CMKLR1: variants seen among roughly 807,000 people sequenced by gnomAD.
CMKLR1 encodes the protein chemerin-like receptor 1.
CMKLR1 carries 6 observed loss-of-function variants against 8.2 expected under a neutral mutation model. The observed-to-expected ratio is 0.73, with a 90% CI of 0.40 to 1.44. CMKLR1 has a LOEUF of 1.44. Ranked by LOEUF, CMKLR1 falls within the 40% of genes most tolerant of loss-of-function variation. The probability of loss-of-function intolerance (pLI) is 0.02; values close to 1 mark genes in which losing one functional copy is unlikely to be tolerated. For missense variants in CMKLR1, 429 were observed against 478.0 expected (o/e 0.90, Z 0.96); for synonymous variants, 178 against 181.2 (o/e 0.98, Z 0.14).
chr12:108,296,467 A>C (rs571987228), intron 2 of CMKLR1, among the ~76,000 whole-genome samples: 1 of 152,158 alleles, frequency 6.6e-6, no homozygotes, highest in African/African-American at 2.4e-5. Context: ...GAGGCTAGGA[A>C]GCCAGAGGAC....
At position 108,292,096 on chromosome 12, in the gene CMKLR1, C is replaced by T; in HGVS notation, c.867G>A (p.Met289Ile). The T allele has an allele frequency of 1.2e-6, 2 of 1,614,172 alleles. No homozygotes were observed. Among genetic ancestry groups the T allele is most frequent in the Non-Finnish European group, 8.5e-7 (1 of 1,180,030 alleles). The change falls in exon 4 of 4, where the codon ATG becomes ATA. Residue 289 changes from methionine (M) to isoleucine (I), a missense_variant. Physicochemically the swap from Met to Ile is conservative, Grantham distance 10 (BLOSUM62 1). Transcript: ENST00000550402. ...AACCCAGGCTGAAGACAGAGCCAGG[C>T]ATGGCAGTGTGGTGGAGCTCTAGGA... ...LNLLELHHTA[M>I]PGSVFSLGLP...
At chr12:108,312,896 A>C (rs1357193299) in intron 2 of CMKLR1, among the ~76,000 whole-genome samples, 1 of 152,142 alleles carries the variant, frequency 6.6e-6, no homozygotes, top group African/African-American at 2.4e-5. Context: ...CAGGCTGGCC[A>C]GACTCCCAGG....
chr12:108,319,630 T>C (rs1891811886), intron 2 of CMKLR1, among the ~76,000 whole-genome samples: 1 of 152,226 alleles, frequency 6.6e-6, no homozygotes, highest in Non-Finnish European at 1.5e-5. Context: ...AGAGAAGGAA[T>C]ATAAACAGCT....
At chr12:108,298,369 T>C (rs893180123) in intron 2 of CMKLR1, among the ~76,000 whole-genome samples, 3 of 152,184 alleles carry the variant, frequency 2.0e-5, no homozygotes, top group African/African-American at 7.2e-5. Flanking sequence ...ATCACTCCCA[T>C]TGTAAAGGGA....
chr12:108,309,394 T>A (rs1891493124), intron 2 of CMKLR1, among the ~76,000 whole-genome samples: 1 of 152,084 alleles, frequency 6.6e-6, no homozygotes. Context: ...CATGGGCTGG[T>A]GCTGTGGAAG....
At chr12:108,306,722 C>T (rs1313950517) in intron 2 of CMKLR1, among the ~76,000 whole-genome samples, 1 of 152,208 alleles carries the variant, frequency 6.6e-6, no homozygotes, top group Non-Finnish European at 1.5e-5. Flanking sequence ...CTTACTATGG[C>T]CTGAGCAATC....
intron 1 of CMKLR1, among the ~76,000 whole-genome samples, chr12:108,333,577 T>G (rs1892155858): frequency 6.6e-6 from 1 of 152,228 alleles, no homozygotes; most frequent in African/African-American, 2.4e-5. Flanking sequence ...TTGATGGATA[T>G]GGACTCATTT....
intron 2 of CMKLR1, among the ~76,000 whole-genome samples, chr12:108,312,740 T>G (rs1334631503): frequency 6.6e-6 from 1 of 152,194 alleles, no homozygotes; most frequent in Non-Finnish European, 1.5e-5. Flanking sequence ...TTATGTTCTG[T>G]GGCTTGCCTG....
At chr12:108,338,244 T>A (rs1160252476) in intron 1 of CMKLR1, among the ~76,000 whole-genome samples, 1 of 152,110 alleles carries the variant, frequency 6.6e-6, no homozygotes, top group Non-Finnish European at 1.5e-5. Flanking sequence ...GTCCTTTATA[T>A]ACAAAGAACC....
At position 108,310,301 on chromosome 12, in the gene CMKLR1, C is replaced by T. The variant is rs531086881; in HGVS notation, c.-73-16637G>A. Among the ~76,000 whole-genome samples the T allele has an allele frequency of 6.2e-4, 95 of 152,008 alleles. 1 individual carries two copies. Among genetic ancestry groups the T allele is most frequent in the Middle Eastern group, 6.8e-3 (2 of 294 alleles). On this transcript the variant is annotated intron_variant, in intron 2 of 3. Coordinates refer to ENST00000550402, the MANE Select transcript of CMKLR1 (RefSeq NM_001142343.2). Reference sequence around the variant, plus strand: ...ACTTTATCCTATGGGCAATAGGGAGCCATGGATGGTTTTAAGCAGAGGGTA... The same window carrying T: ...ACTTTATCCTATGGGCAATAGGGAGTCATGGATGGTTTTAAGCAGAGGGTA...
Position 108,316,990 on chromosome 12 carries a change from A to G in CMKLR1, c.-74+13005T>C, listed in dbSNP as rs1035559583. Among the ~76,000 whole-genome samples the G allele has an allele frequency of 2.6e-5, 4 of 152,018 alleles. No individual in the cohort carries two copies. In the East Asian group the frequency reaches 7.7e-4, roughly 29 times the overall value. ...CTAATTTTTTTTGTATTTTGTAGAGATGGGGTTTCGCCATGTTGGCCAAGC... is the reference window on the plus strand; with the variant it reads ...CTAATTTTTTTTGTATTTTGTAGAGGTGGGGTTTCGCCATGTTGGCCAAGC... On this transcript the variant is annotated intron_variant, in intron 2 of 3. Transcript: ENST00000550402.
At chr12:108,328,292 C>T (rs998960620) in intron 2 of CMKLR1, among the ~76,000 whole-genome samples, 1 of 152,234 alleles carries the variant, frequency 6.6e-6, no homozygotes, top group African/African-American at 2.4e-5. Flanking sequence ...ATTTCTTAGC[C>T]TCTCATGGTT....
chr12:108,292,855 G>A lies in CMKLR1; in HGVS notation c.108C>T (p.Ala36=), dbSNP rs1398011773. The A allele has an allele frequency of 3.5e-5, 57 of 1,613,954 alleles. No homozygotes were observed. The highest frequency in any genetic ancestry group is 4.7e-5 in the Non-Finnish European group (56 of 1,180,010). ...VVLEDLSPLE[A]RVTRIFLVVV... Reference sequence around the variant, plus strand: ...CCACCAGGAAGATCCTGGTCACCCTGGCTTCCAAGGGGGATAAGTCCTCCA... The same window carrying A: ...CCACCAGGAAGATCCTGGTCACCCTAGCTTCCAAGGGGGATAAGTCCTCCA... Residue 36 remains alanine (A), a synonymous_variant, in exon 4 of 4, where the codon GCC becomes GCT. Coordinates refer to ENST00000550402, the MANE Select transcript of CMKLR1 (RefSeq NM_001142343.2).
intron 3 of CMKLR1, 117 bp from the exon 4 acceptor site, chr12:108,293,076 T>G (rs1891040481): frequency 1.1e-6 from 1 of 950,266 alleles, no homozygotes; most frequent in Admixed American, 2.6e-5. Context: ...GTTTTGTGAT[T>G]TAACCATTTC....
intron 2 of CMKLR1, among the ~76,000 whole-genome samples, chr12:108,301,071 C>CTTTTTTTTTT (rs11303250): frequency 1.1e-5 from 1 of 90,392 alleles, no homozygotes; most frequent in Non-Finnish European, 2.1e-5. Context: ...CCACCCAAGT[C>CTTTTTTTTTT]TTTTTTTTTT....
rs1455810604 is a variant in CMKLR1, at chr12:108,289,456, A to C, written c.*2385T>G. The C allele has an allele frequency of 6.6e-6, 1 of 152,200 alleles. No homozygotes were observed. The highest frequency in any genetic ancestry group is 1.5e-5 in the Non-Finnish European group (1 of 68,062). 9.4% of individuals were successfully genotyped at this position (152,200 alleles called of 1,614,324 possible). A position where few individuals can be genotyped will look rare whatever the true frequency, so the allele number is the denominator to read the frequency against. On this transcript the variant is annotated 3_prime_UTR_variant, in exon 4 of 4. Transcript: ENST00000550402. ...GAGCAGCCAGAAAGAGGGAGGCCAG[A>C]CTCTAAGGAGGAAAACAGCCGGTTT... is the stretch of plus-strand genomic sequence containing the variant.
intron 2 of CMKLR1, among the ~76,000 whole-genome samples, chr12:108,322,299 C>A (rs776246297): frequency 2.0e-5 from 3 of 152,194 alleles, no homozygotes; most frequent in Non-Finnish European, 4.4e-5. Flanking sequence ...AGGGCTTCGT[C>A]CCCTAGTCAT....
intron 2 of CMKLR1, among the ~76,000 whole-genome samples, chr12:108,306,768 G>C (rs1257774728): frequency 1.3e-5 from 2 of 152,130 alleles, no homozygotes; most frequent in Non-Finnish European, 2.9e-5. Flanking sequence ...GCTGAGGCTC[G>C]AGCCCAGACC....
At chr12:108,331,343 C>G (rs897835874) in intron 1 of CMKLR1, among the ~76,000 whole-genome samples, 2 of 152,206 alleles carry the variant, frequency 1.3e-5, no homozygotes, top group Admixed American at 1.3e-4. Context: ...ATGCCAAAGT[C>G]TGGTTCCTGG....
Sources: allele counts gnomAD v4.1 joint callset (sites outside exome capture counted in the v4.1 genomes callset), GRCh38; gene constraint gnomAD v4.1.1; transcripts MANE v1.5; gene names NCBI Gene and HGNC (gene_info 2026-07-23, HGNC 2026-07-21).